Variants in JPH1 observed in about 807,000 individuals in gnomAD.
JPH1 encodes the protein junctophilin-1.
Under a neutral mutation model 53.6 loss-of-function variants are expected in JPH1, and 12 were observed. That is an observed-to-expected ratio of 0.22 (90% confidence interval 0.14 to 0.36). JPH1 has a LOEUF of 0.36. Among genes scored for constraint, JPH1 ranks in the 10% least tolerant of loss-of-function variants. The pLI is 1.00. For synonymous variants in JPH1, 375 were observed against 363.8 expected (o/e 1.03, Z -0.35); for missense variants, 808 against 905.5 (o/e 0.89, Z 1.38).
chr8:74,255,969 T>C (rs973670612), intron 3 of JPH1, among the ~76,000 whole-genome samples: 12 of 152,176 alleles, frequency 7.9e-5, no homozygotes, highest in Non-Finnish European at 1.3e-4. Context: ...TCAACCATTG[T>C]GGAAGTGGGT....
chr8:74,267,887 A>T (rs1806580976), intron 2 of JPH1, among the ~76,000 whole-genome samples: 2 of 152,174 alleles, frequency 1.3e-5, no homozygotes, highest in Admixed American at 6.5e-5. Flanking sequence ...TGGATGAGCG[A>T]AAGAAAGGAA....
rs547156300 is a variant in JPH1 at position 74,251,360 on chromosome 8, T to C, written c.1259-6185A>G. Reference sequence around the variant, plus strand: ...CTTAAAGCCATCCTATTACTTAGGATCACCTGATCTACCTTTGTGTAGTTT... The same window carrying C: ...CTTAAAGCCATCCTATTACTTAGGACCACCTGATCTACCTTTGTGTAGTTT... On this transcript the variant is annotated intron_variant, in intron 3 of 5. Coordinates refer to ENST00000342232, the MANE Select transcript of JPH1 (RefSeq NM_020647.4). Among the ~76,000 whole-genome samples, 38 of 152,336 alleles carry C rather than the reference T, an allele frequency of 2.5e-4. No homozygotes were observed. In the South Asian group the frequency reaches 2.7e-3, roughly 11 times the overall value.
At chr8:74,275,922 A>G (rs1460169771) in intron 2 of JPH1, among the ~76,000 whole-genome samples, 1 of 152,180 alleles carries the variant, frequency 6.6e-6, no homozygotes, top group Non-Finnish European at 1.5e-5. Context: ...AAACAATCTA[A>G]GTGGTTATTA....
intron 2 of JPH1, among the ~76,000 whole-genome samples, chr8:74,266,294 A>G (rs1806529621): frequency 6.6e-6 from 1 of 152,102 alleles, no homozygotes. Flanking sequence ...ATGATCTGCA[A>G]ATCATCTCTC....
intron 2 of JPH1, among the ~76,000 whole-genome samples, chr8:74,299,835 A>C (rs1807625308): frequency 6.6e-6 from 1 of 152,246 alleles, no homozygotes; most frequent in Non-Finnish European, 1.5e-5. Flanking sequence ...ACAGTGGCAC[A>C]TCTTTAACTG....
chr8:74,245,860 G>C (rs1805846381), intron 3 of JPH1, among the ~76,000 whole-genome samples: 1 of 150,106 alleles, frequency 6.7e-6, no homozygotes, highest in South Asian at 2.1e-4. Context: ...TTTTATAAAT[G>C]GGAACAAATT....
chr8:74,315,175 G>A lies in JPH1; in HGVS notation c.825C>T (p.Ala275=). 1 of 1,614,186 alleles carries A rather than the reference G, an allele frequency of 6.2e-7. No homozygotes were observed. The highest frequency in any genetic ancestry group is 1.3e-5 in the African/African-American group (1 of 75,062). ...DFCPVEDHVD[A]TTTETYMGEW... is the part of the protein sequence containing the mutation. ...CGCCCATGTAGGTTTCCGTGGTGGT[G>A]GCGTCCACGTGGTCTTCCACCGGGC... The change falls in exon 2 of 6, where the codon GCC becomes GCT. Residue 275 remains alanine (A), a synonymous_variant. Transcript: ENST00000342232. This position sits in a 1 kb window ranked among gnomAD's most constrained non-coding sequence, Gnocchi z 6.3.
At chr8:74,299,121 C>T (rs1807602690) in intron 2 of JPH1, among the ~76,000 whole-genome samples, 1 of 152,094 alleles carries the variant, frequency 6.6e-6, no homozygotes. Flanking sequence ...GGTAAAATTT[C>T]GATCCACTGT....
intron 4 of JPH1, among the ~76,000 whole-genome samples, chr8:74,241,366 T>C (rs1004727521): frequency 1.3e-5 from 2 of 152,172 alleles, no homozygotes; most frequent in Non-Finnish European, 2.9e-5. Context: ...TGGTGGCCAG[T>C]TGTAGCTTAA....
intron 3 of JPH1, among the ~76,000 whole-genome samples, chr8:74,252,393 G>A (rs1049466251): frequency 3.9e-5 from 6 of 152,066 alleles, no homozygotes; most frequent in African/African-American, 4.8e-5. Context: ...GCAACCTACC[G>A]AATGGGAGAA....
At chr8:74,255,272 T>C (rs9772720) in intron 3 of JPH1, among the ~76,000 whole-genome samples, 20,893 of 151,632 alleles carry the variant, frequency 0.14, 4,561 homozygotes, top group African/African-American at 0.46. Context: ...TTTGACAAAC[T>C]TGACAAAAAC....
intron 3 of JPH1, among the ~76,000 whole-genome samples, chr8:74,247,664 C>A (rs1805896309): frequency 6.6e-6 from 1 of 152,092 alleles, no homozygotes; most frequent in South Asian, 2.1e-4. Flanking sequence ...ATGAAGCTGT[C>A]ACAAAGCCCA....
intron 2 of JPH1, among the ~76,000 whole-genome samples, chr8:74,270,410 G>A (rs1806665164): frequency 6.6e-6 from 1 of 152,130 alleles, no homozygotes; most frequent in South Asian, 2.1e-4. Flanking sequence ...TTTAGCATTT[G>A]CTGTGTTACA....
intron 2 of JPH1, among the ~76,000 whole-genome samples, chr8:74,297,790 T>G (rs1807563230): frequency 6.6e-6 from 1 of 152,250 alleles, no homozygotes; most frequent in Non-Finnish European, 1.5e-5. Flanking sequence ...AGAGTCAACA[T>G]GAAGAGTTAA....
At chr8:74,300,455 T>C (rs1807646158) in intron 2 of JPH1, among the ~76,000 whole-genome samples, 1 of 152,234 alleles carries the variant, frequency 6.6e-6, no homozygotes, top group African/African-American at 2.4e-5. Flanking sequence ...CATTCACATC[T>C]AGCACAGTAC....
At position 74,321,040 on chromosome 8, in the gene JPH1, C is replaced by T; in HGVS notation, c.248G>A (p.Arg83Gln). Residue 83 changes from arginine to glutamine, a missense_variant, in exon 1 of 6, where the codon CGG (arginine) becomes CAG (glutamine). This residue lies in a region of JPH1 where 756 missense variants were observed against 811.9 expected (regional missense o/e 0.93). Transcript: ENST00000342232. This position sits in a 1 kb window ranked among gnomAD's most constrained non-coding sequence, Gnocchi z 4.3. ...CTTGAAACCATGTGACCACTCCCCCCGGTACATCCACTTGCCCTTCGTCTC... is the reference window on the plus strand; with the variant it reads ...CTTGAAACCATGTGACCACTCCCCCTGGTACATCCACTTGCCCTTCGTCTC... Reference protein sequence around the residue: ...GVETKGKWMYRGEWSHGFKGR... With the variant: ...GVETKGKWMYQGEWSHGFKGR... 6.2e-7 allele frequency: 1 copy of T among 1,613,488 alleles called. No homozygotes were observed. The highest frequency in any genetic ancestry group is 8.5e-7 in the Non-Finnish European group (1 of 1,179,750).
At chr8:74,246,680 A>G (rs1020364802) in intron 3 of JPH1, among the ~76,000 whole-genome samples, 2 of 152,226 alleles carry the variant, frequency 1.3e-5, no homozygotes, top group African/African-American at 2.4e-5. Context: ...GCCAGAGACA[A>G]GAATTCCTGA....
At chr8:74,258,348 T>G (rs952879432) in intron 3 of JPH1, among the ~76,000 whole-genome samples, 1 of 152,212 alleles carries the variant, frequency 6.6e-6, no homozygotes, top group African/African-American at 2.4e-5. Flanking sequence ...TAGGTGAATA[T>G]TGCCTTTTTG....
At chr8:74,244,477 T>G in intron 4 of JPH1, 52 bp downstream of exon 4, 2 of 1,539,396 alleles carry the variant, frequency 1.3e-6, no homozygotes, top group Non-Finnish European at 1.7e-6. Flanking sequence ...CACAGCTCGC[T>G]GAAAGAAACA....
Sources: allele counts gnomAD v4.1 joint callset (sites outside exome capture counted in the v4.1 genomes callset), GRCh38; gene constraint gnomAD v4.1.1; regional missense constraint gnomAD v4.1.1; non-coding constraint Gnocchi (gnomAD v3.1); transcripts MANE v1.5; gene names NCBI Gene and HGNC (gene_info 2026-07-23, HGNC 2026-07-21).